Variants in STK32B observed in about 807,000 individuals in gnomAD.
STK32B encodes the protein serine/threonine kinase 32B.
In STK32B, 43 loss-of-function variants were observed where a neutral mutation model predicts 52.6. The ratio of observed to expected loss-of-function variants is 0.82; its 90% CI spans 0.64 to 1.05. The LOEUF (loss-of-function observed/expected upper bound fraction) is 1.05, where lower values mean the gene tolerates loss of function less well. Among genes scored for constraint, STK32B ranks in the 50% least tolerant of loss-of-function variants. The pLI, the probability that STK32B is intolerant of heterozygous loss-of-function variation, is 0.00. For missense variants in STK32B, 621 were observed against 534.6 expected, an observed-to-expected ratio of 1.16 and a Z score of -1.59; for synonymous variants, 238 against 204.3, an observed-to-expected ratio of 1.17 and a Z score of -1.41.
chr4:5,317,243 ATTATATATAACATATAACATAT>A (rs1731081027), intron 3 of STK32B, among the ~76,000 whole-genome samples: 13 of 47,424 alleles, frequency 2.7e-4, no homozygotes, highest in East Asian at 8.1e-4. Context: ...ACATATATAT[ATTATATATAACATATAACATAT>A]ATATAATATA....
intron 3 of STK32B, among the ~76,000 whole-genome samples, chr4:5,326,313 A>G (rs1731871297): frequency 6.6e-6 from 1 of 152,244 alleles, no homozygotes; most frequent in Non-Finnish European, 1.5e-5. Flanking sequence ...TCTTCTATCC[A>G]GTAGCAAATA....
rs1398029454 is a variant in STK32B at position 5,058,268 on chromosome 4, A to G, written c.52+6353A>G. On this transcript the variant is annotated intron_variant, in intron 1 of 11. Coordinates refer to ENST00000282908, the MANE Select transcript of STK32B (RefSeq NM_018401.3). The surrounding 1 kb of genome is among the most constrained non-coding windows in gnomAD (Gnocchi z 4.8). ...CTGTTCCCCTTTACTTTTCATGCAC[A>G]CACACAAAATTATACCTCCTTGTCC... Among the ~76,000 whole-genome samples the G allele has an allele frequency of 6.6e-6, 1 of 152,242 alleles. No individual in the cohort carries two copies. The highest frequency in any genetic ancestry group is 1.5e-5 in the Non-Finnish European group (1 of 68,040).
chr4:5,339,237 G>A (rs1320800923), intron 4 of STK32B, among the ~76,000 whole-genome samples: 1 of 152,052 alleles, frequency 6.6e-6, no homozygotes, highest in Non-Finnish European at 1.5e-5. Flanking sequence ...CAGATCATAG[G>A]ACTTCTCAGC....
At chr4:5,107,759 A>G (rs530401650) in intron 1 of STK32B, among the ~76,000 whole-genome samples, 1 of 152,348 alleles carries the variant, frequency 6.6e-6, no homozygotes, top group Non-Finnish European at 1.5e-5. Flanking sequence ...GAAATTTCAA[A>G]GAAGTTGGTG....
chr4:5,465,260 T>C (rs1717349269), intron 9 of STK32B, among the ~76,000 whole-genome samples: 1 of 152,164 alleles, frequency 6.6e-6, no homozygotes, highest in Non-Finnish European at 1.5e-5. Context: ...TTCTTGCATT[T>C]TCTCATGTCA....
At chr4:5,190,159 C>A (rs1441994054) in intron 3 of STK32B, among the ~76,000 whole-genome samples, 2 of 152,112 alleles carry the variant, frequency 1.3e-5, no homozygotes, top group Non-Finnish European at 2.9e-5. Context: ...TGTACATTGA[C>A]TAAAAAACTG....
At chr4:5,427,433 A>G (rs1051742936) in intron 6 of STK32B, among the ~76,000 whole-genome samples, 3 of 152,058 alleles carry the variant, frequency 2.0e-5, no homozygotes, top group African/African-American at 4.8e-5. Context: ...CTCCCCTTCT[A>G]TTTTCTAAAA....
At chr4:5,445,084 C>CAT (rs542595014) in intron 6 of STK32B, among the ~76,000 whole-genome samples, 98 of 152,338 alleles carry the variant, frequency 6.4e-4, no homozygotes, top group African/African-American at 2.3e-3. Context: ...GTGACCTCTT[C>CAT]ATACTGCTGG....
At chr4:5,125,970 C>G (rs1715337867) in intron 1 of STK32B, among the ~76,000 whole-genome samples, 1 of 152,102 alleles carries the variant, frequency 6.6e-6, no homozygotes, top group African/African-American at 2.4e-5. Flanking sequence ...TCACTTTGGC[C>G]TGTGATTGTC....
rs914710795 is a variant in STK32B, at chr4:5,315,253, G to T, written c.261-15967G>T. The stretch of plus-strand genomic sequence containing the variant: ...TTCTCCATTAGTGAAATGCAAATTA[G>T]CCATTAGGGAAATGCAAATGAGATG... On this transcript the variant is annotated intron_variant, in intron 3 of 11. Transcript: ENST00000282908. Among the ~76,000 whole-genome samples, 5 of 115,246 alleles carry T rather than the reference G, an allele frequency of 4.3e-5. No homozygotes were observed. In the South Asian group the frequency reaches 7.6e-4, roughly 17 times the overall value. 75.6% of individuals were successfully genotyped at this position (115,246 alleles called of 152,430 possible).
At chr4:5,105,128 G>A (rs1011404586) in intron 1 of STK32B, among the ~76,000 whole-genome samples, 1 of 152,164 alleles carries the variant, frequency 6.6e-6, no homozygotes, top group Non-Finnish European at 1.5e-5. Context: ...CTACTGGTAG[G>A]TGTGTAATGA....
intron 3 of STK32B, among the ~76,000 whole-genome samples, chr4:5,223,046 A>G (rs760339492): frequency 1.5e-4 from 23 of 152,194 alleles, no homozygotes; most frequent in Admixed American, 3.3e-4. Context: ...GCTCAGGACC[A>G]TCTCAAGTCT....
Position 5,166,711 on chromosome 4 carries a change from GA to G in STK32B, c.109-1587del, listed in dbSNP as rs1375225947. 2.0e-5 allele frequency among the ~76,000 whole-genome samples: 3 copies of G among 151,752 alleles called. No homozygotes were observed. The East Asian group carries it at 5.8e-4, about 30-fold the overall frequency. ...GGACCCTGCTGACACCTTGGTTTTGGACTCCCAGCCCTCAGAACTATGAGCC... is the reference window on the plus strand; with the variant it reads ...GGACCCTGCTGACACCTTGGTTTTGGCTCCCAGCCCTCAGAACTATGAGCC... On this transcript the variant is annotated intron_variant, in intron 2 of 11. Coordinates refer to ENST00000282908, the MANE Select transcript of STK32B (RefSeq NM_018401.3).
intron 7 of STK32B, among the ~76,000 whole-genome samples, chr4:5,452,032 G>A (rs1302211901): frequency 6.6e-6 from 1 of 152,198 alleles, no homozygotes; most frequent in African/African-American, 2.4e-5. Context: ...GGAGAGCAGA[G>A]GCTGGATCAT....
chr4:5,295,743 G>A (rs980385817), intron 3 of STK32B, among the ~76,000 whole-genome samples: 3 of 151,718 alleles, frequency 2.0e-5, no homozygotes, highest in Admixed American at 6.6e-5. Context: ...CTGATTTTTC[G>A]AAGGATTTTT....
chr4:5,490,779 T>G (rs889911392), intron 11 of STK32B, among the ~76,000 whole-genome samples: 8 of 151,984 alleles, frequency 5.3e-5, no homozygotes, highest in Non-Finnish European at 8.8e-5. Context: ...TGTGTCCATG[T>G]GTTCTCATTG....
At chr4:5,042,833 G>A in the STK32B span, among the ~76,000 whole-genome samples, 2 of 152,090 alleles carry the variant, frequency 1.3e-5, no homozygotes, top group Non-Finnish European at 1.5e-5. Flanking sequence ...GGGGCCGGGC[G>A]CGGTGGCTCA....
At chr4:5,234,479 C>G (rs1348601049) in intron 3 of STK32B, among the ~76,000 whole-genome samples, 3 of 151,298 alleles carry the variant, frequency 2.0e-5, no homozygotes, top group African/African-American at 7.3e-5. Flanking sequence ...GCTCTATTTC[C>G]TAGCTCAGTG....
At chr4:5,212,394 T>C (rs530346234) in intron 3 of STK32B, among the ~76,000 whole-genome samples, 83 of 152,216 alleles carry the variant, frequency 5.5e-4, no homozygotes, top group Non-Finnish European at 7.1e-4. Flanking sequence ...CTACTGTCTG[T>C]GGGCTTACTG....
Sources: gnomAD v4.1 joint callset for allele counts (sites outside exome capture counted in the v4.1 genomes callset) on GRCh38, gnomAD v4.1.1 for gene constraint, Gnocchi (gnomAD v3.1) non-coding constraint, MANE v1.5 for transcripts, NCBI Gene and HGNC (gene_info 2026-07-23, HGNC 2026-07-21) for gene names.